The following ADGRB3 variants were observed in gnomAD, a reference collection of about 807,000 sequenced individuals.
ADGRB3 encodes the protein brain-specific angiogenesis inhibitor 3.
ADGRB3 carries 37 observed loss-of-function variants against 193.4 expected under a neutral mutation model. That is an observed-to-expected ratio of 0.19 (90% CI 0.15 to 0.25). The LOEUF is 0.25. Ranked by LOEUF, ADGRB3 falls within the 10% of genes least tolerant of loss-of-function variation. The pLI is 1.00. For synonymous variants in ADGRB3, 690 were observed against 644.2 expected (o/e 1.07, Z -1.08); for missense variants, 1,637 against 1,852.9 (o/e 0.88, Z 2.14).
intron 13 of ADGRB3, among the ~76,000 whole-genome samples, chr6:69,029,548 A>G (rs1041635545): frequency 2.2e-4 from 33 of 152,364 alleles, no homozygotes; most frequent in African/African-American, 7.0e-4. Context: ...AACGTATGAT[A>G]TATAGAATGC....
chr6:68,732,894 G>T (rs1240665133), intron 3 of ADGRB3, among the ~76,000 whole-genome samples: 1 of 151,916 alleles, frequency 6.6e-6, no homozygotes, highest in Admixed American at 6.6e-5. Context: ...GCTTGTTAAA[G>T]GTCCCTGGAC....
At chr6:69,194,959 T>G (rs1765266422) in intron 17 of ADGRB3, among the ~76,000 whole-genome samples, 1 of 152,156 alleles carries the variant, frequency 6.6e-6, no homozygotes, top group South Asian at 2.1e-4. Flanking sequence ...CTAATATTTT[T>G]TATTTATCAT....
chr6:69,293,552 C>T (rs1767739847), intron 20 of ADGRB3, among the ~76,000 whole-genome samples: 1 of 152,204 alleles, frequency 6.6e-6, no homozygotes, highest in African/African-American at 2.4e-5. Context: ...ACTCAGGTTT[C>T]AGGCTTGTGG....
At chr6:69,332,617 A>C in intron 23 of ADGRB3, 1 of 985,472 alleles carries the variant, frequency 1.0e-6, no homozygotes. Context: ...TGACTCAGAC[A>C]GAAGAATGCC....
At chr6:68,798,770 C>T (rs903593009) in intron 3 of ADGRB3, among the ~76,000 whole-genome samples, 5 of 152,162 alleles carry the variant, frequency 3.3e-5, no homozygotes, top group Non-Finnish European at 7.3e-5. Flanking sequence ...AATGTCAAAG[C>T]TGTGACTGCA....
intron 20 of ADGRB3, among the ~76,000 whole-genome samples, chr6:69,274,356 A>C (rs1767244887): frequency 6.6e-6 from 1 of 152,188 alleles, no homozygotes; most frequent in Admixed American, 6.5e-5. Context: ...AGAAATAAAG[A>C]ATGTTAGAGT....
intron 3 of ADGRB3, among the ~76,000 whole-genome samples, chr6:68,886,417 T>C (rs528946944): frequency 6.6e-6 from 1 of 152,236 alleles, no homozygotes; most frequent in Admixed American, 6.5e-5. Flanking sequence ...CTGTAACTTT[T>C]CTCTATCCAG....
chr6:68,958,595 G>A (rs1036412781), intron 8 of ADGRB3, among the ~76,000 whole-genome samples: 2 of 151,888 alleles, frequency 1.3e-5, no homozygotes, highest in African/African-American at 4.8e-5. Context: ...ATCTATTTAT[G>A]AAAAAGATAG....
chr6:69,107,895 G>A (rs1476435805), intron 17 of ADGRB3, among the ~76,000 whole-genome samples: 3 of 152,106 alleles, frequency 2.0e-5, no homozygotes, highest in Non-Finnish European at 4.4e-5. Flanking sequence ...TACTAGAAGG[G>A]AGAGGGAGGG....
At chr6:68,768,749 C>G (rs760191566) in intron 3 of ADGRB3, among the ~76,000 whole-genome samples, 4 of 151,816 alleles carry the variant, frequency 2.6e-5, no homozygotes, top group Non-Finnish European at 5.9e-5. Flanking sequence ...TCAGGGTGAA[C>G]AGGAAACCTA....
chr6:69,376,370 T>C (rs951967846), intron 30 of ADGRB3, among the ~76,000 whole-genome samples: 5 of 151,986 alleles, frequency 3.3e-5, no homozygotes, highest in Admixed American at 3.3e-4. Context: ...AATGCTGGGA[T>C]TATAGGCATG....
At chr6:69,036,445 TA>T (rs995298531) in intron 13 of ADGRB3, among the ~76,000 whole-genome samples, 4 of 151,914 alleles carry the variant, frequency 2.6e-5, no homozygotes, top group Middle Eastern at 3.4e-3. Context: ...CCTCATCTAT[TA>T]AAAAAAATGT....
At chr6:68,922,501 G>GC (rs1454428913) in intron 3 of ADGRB3, among the ~76,000 whole-genome samples, 2 of 152,240 alleles carry the variant, frequency 1.3e-5, no homozygotes, top group Non-Finnish European at 2.9e-5. Context: ...TCAGACTCGT[G>GC]CATGTGCACA....
chr6:69,023,336 G>T (rs572600971), intron 13 of ADGRB3, among the ~76,000 whole-genome samples: 1 of 152,186 alleles, frequency 6.6e-6, no homozygotes, highest in African/African-American at 2.4e-5. Context: ...TTTATTCCAG[G>T]AGATGTTGTT....
At chr6:69,152,120 A>G (rs997363459) in intron 17 of ADGRB3, among the ~76,000 whole-genome samples, 5 of 152,222 alleles carry the variant, frequency 3.3e-5, no homozygotes, top group Non-Finnish European at 7.3e-5. Flanking sequence ...GTATGTCTCT[A>G]TGTCAGCATG....
chr6:69,203,055 A>G (rs1451959145), intron 17 of ADGRB3, among the ~76,000 whole-genome samples: 1 of 152,176 alleles, frequency 6.6e-6, no homozygotes, highest in Non-Finnish European at 1.5e-5. Flanking sequence ...GTAACATAAC[A>G]TAGTGATCAC....
At chr6:69,273,321 A>G (rs1382526618) in intron 20 of ADGRB3, among the ~76,000 whole-genome samples, 15 of 152,332 alleles carry the variant, frequency 9.8e-5, no homozygotes, top group Non-Finnish European at 1.3e-4. Flanking sequence ...TCCATATATC[A>G]AAATCACTTC....
chr6:69,101,743 C>T (rs1235317334), intron 17 of ADGRB3, among the ~76,000 whole-genome samples: 1 of 151,440 alleles, frequency 6.6e-6, no homozygotes, highest in Non-Finnish European at 1.5e-5. Flanking sequence ...CTCATAAAGC[C>T]CTATAGGATA....
intron 8 of ADGRB3, among the ~76,000 whole-genome samples, chr6:68,960,160 A>G (rs1336926118): frequency 1.3e-5 from 2 of 152,160 alleles, no homozygotes; most frequent in African/African-American, 2.4e-5. Flanking sequence ...CTCTTTAGTC[A>G]TTAACTGCTA....
Sources: gnomAD v4.1 joint callset for allele counts (sites outside exome capture counted in the v4.1 genomes callset) on GRCh38, gnomAD v4.1.1 for gene constraint, MANE v1.5 for transcripts, NCBI Gene and HGNC (gene_info 2026-07-23, HGNC 2026-07-21) for gene names.